The following ESRRG variants were observed in gnomAD, a reference collection of about 807,000 sequenced individuals.
ESRRG encodes estrogen related receptor gamma.
Under a neutral mutation model 44.0 loss-of-function variants are expected in ESRRG, and 13 were observed. That is an observed-to-expected ratio of 0.30 (90% CI 0.19 to 0.47). ESRRG has a LOEUF of 0.47. ESRRG is among the 20% of genes least tolerant of loss of function. The pLI, the probability that ESRRG is intolerant of heterozygous loss-of-function variation, is 1.00. For synonymous variants in ESRRG, 215 were observed against 214.6 expected (o/e 1.00, Z -0.02); for missense variants, 395 against 580.6 (o/e 0.68, Z 3.29).
At chr1:216,648,717 T>A (rs1231890861) in intron 3 of ESRRG, among the ~76,000 whole-genome samples, 1 of 152,174 alleles carries the variant, frequency 6.6e-6, no homozygotes, top group Non-Finnish European at 1.5e-5. Flanking sequence ...CTCCATTAAT[T>A]CAGTTTTTCA....
chr1:216,759,094 C>T (rs1258196091), intron 2 of ESRRG, among the ~76,000 whole-genome samples: 1 of 152,088 alleles, frequency 6.6e-6, no homozygotes, highest in Non-Finnish European at 1.5e-5. Context: ...CTGGCCATCA[C>T]ACCAATTTGA....
At chr1:217,064,367 A>G (rs1003211600) in intron 1 of ESRRG, among the ~76,000 whole-genome samples, 2 of 152,150 alleles carry the variant, frequency 1.3e-5, no homozygotes, top group Non-Finnish European at 2.9e-5. Context: ...AAATATACAC[A>G]CACATATATA....
At chr1:217,034,992 T>C (rs1046662191) in intron 1 of ESRRG, among the ~76,000 whole-genome samples, 12 of 152,306 alleles carry the variant, frequency 7.9e-5, no homozygotes, top group Non-Finnish European at 2.9e-5. Context: ...AAAAGACTTC[T>C]AATTAAATGT....
At chr1:217,034,683 C>A (rs994300498) in intron 1 of ESRRG, among the ~76,000 whole-genome samples, 2 of 152,082 alleles carry the variant, frequency 1.3e-5, no homozygotes, top group African/African-American at 4.8e-5. Flanking sequence ...AGGAGCAAAC[C>A]CAAAGCATGG....
intron 2 of ESRRG, among the ~76,000 whole-genome samples, chr1:216,786,046 C>T (rs1362517132): frequency 1.3e-5 from 2 of 152,054 alleles, no homozygotes; most frequent in Admixed American, 1.3e-4. Flanking sequence ...ATCCGCTGCT[C>T]CCTAAAGGTC....
At chr1:216,547,341 G>T (rs1227970516) in intron 5 of ESRRG, among the ~76,000 whole-genome samples, 1 of 151,962 alleles carries the variant, frequency 6.6e-6, no homozygotes, top group Non-Finnish European at 1.5e-5. Flanking sequence ...CCTTCCTCAT[G>T]CAGTTTTTGA....
intron 3 of ESRRG, among the ~76,000 whole-genome samples, chr1:216,601,779 G>A (rs1326351697): frequency 1.3e-5 from 2 of 152,142 alleles, no homozygotes; most frequent in African/African-American, 4.8e-5. Flanking sequence ...CTTGCATCAA[G>A]TTCAAAAAAG....
At chr1:216,789,754 A>G (rs576080224) in intron 2 of ESRRG, among the ~76,000 whole-genome samples, 2 of 152,264 alleles carry the variant, frequency 1.3e-5, no homozygotes, top group Admixed American at 1.3e-4. Flanking sequence ...ATTCTTCACA[A>G]TCTCACATTT....
At position 216,626,491 on chromosome 1, in the gene ESRRG, G is replaced by A. The variant is rs528036382; in HGVS notation, c.589+24482C>T. 1.8e-4 allele frequency among the ~76,000 whole-genome samples: 28 copies of A among 152,060 alleles called. No homozygotes were observed. In the East Asian group the frequency reaches 3.5e-3, roughly 19 times the overall value. ...TACTGGATACTGTGGCTCCACTATC[G>A]CACTTCCAACTCAGTACTTCAAAAG... On this transcript the variant is annotated intron_variant, in intron 3 of 6. Coordinates refer to ENST00000408911, the MANE Select transcript of ESRRG (RefSeq NM_001438.4).
chr1:216,703,175 T>A (rs2151890707), intron 1 of ESRRG, among the ~76,000 whole-genome samples: 1 of 152,312 alleles, frequency 6.6e-6, no homozygotes, highest in Non-Finnish European at 1.5e-5. Context: ...CAACTACTGT[T>A]CTTGCAGTTA....
At chr1:216,568,391 C>A (rs1407998988) in intron 3 of ESRRG, among the ~76,000 whole-genome samples, 1 of 152,168 alleles carries the variant, frequency 6.6e-6, no homozygotes, top group Non-Finnish European at 1.5e-5. Context: ...TACAAAGAAG[C>A]CGCTATTTGG....
At chr1:216,893,137 C>A (rs145541412) in intron 2 of ESRRG, among the ~76,000 whole-genome samples, 1 of 152,106 alleles carries the variant, frequency 6.6e-6, no homozygotes, top group African/African-American at 2.4e-5. Context: ...AATATGGGAC[C>A]GGCTTCCAAG....
intron 1 of ESRRG, among the ~76,000 whole-genome samples, chr1:217,059,256 G>T (rs1230775105): frequency 6.6e-6 from 1 of 150,494 alleles, no homozygotes; most frequent in Non-Finnish European, 1.5e-5. Context: ...AATAACCATG[G>T]TTATTATATA....
chr1:216,739,823 A>T (rs1270082683), intron 2 of ESRRG, among the ~76,000 whole-genome samples: 1 of 152,200 alleles, frequency 6.6e-6, no homozygotes, highest in Non-Finnish European at 1.5e-5. Flanking sequence ...TTCAAAACAG[A>T]CCAAGACACC....
chr1:216,774,623 T>G (rs556851725), intron 2 of ESRRG, among the ~76,000 whole-genome samples: 51 of 152,122 alleles, frequency 3.4e-4, no homozygotes, highest in South Asian at 2.1e-3. Flanking sequence ...ATAAAGACTT[T>G]GAAGTAAACA....
intron 1 of ESRRG, among the ~76,000 whole-genome samples, chr1:217,009,362 C>A (rs1209269535): frequency 6.6e-6 from 1 of 152,128 alleles, no homozygotes; most frequent in Non-Finnish European, 1.5e-5. Context: ...GGATGCCACA[C>A]CTTTAAGGGA....
chr1:216,847,196 C>T (rs2095765092), intron 2 of ESRRG, among the ~76,000 whole-genome samples: 1 of 151,984 alleles, frequency 6.6e-6, no homozygotes, highest in African/African-American at 2.4e-5. Flanking sequence ...GCTACTAGGG[C>T]TCTATATTAT....
intron 1 of ESRRG, among the ~76,000 whole-genome samples, chr1:217,032,643 G>A (rs2082243763): frequency 6.6e-6 from 1 of 152,122 alleles, no homozygotes; most frequent in Non-Finnish European, 1.5e-5. Context: ...AAACCTAATG[G>A]AGATATTTTA....
rs180957730 is a variant in ESRRG, at chr1:216,732,698, G to A, written c.-13-55207C>T. On this transcript the variant is annotated intron_variant, in intron 2 of 7. Coordinates refer to the ESRRG transcript ENST00000359162. ...GTGCACATGTAGTCCCAGCTACTCCGGAGGCTAAGGGAGGAGGATTGCTGG... is the reference window on the plus strand; with the variant it reads ...GTGCACATGTAGTCCCAGCTACTCCAGAGGCTAAGGGAGGAGGATTGCTGG... 1.8e-3 allele frequency among the ~76,000 whole-genome samples: 276 copies of A among 151,954 alleles called. 1 individual carries two copies. Among genetic ancestry groups the A allele is most frequent in the African/African-American group, 6.4e-3 (265 of 41,434 alleles).
Sources: allele counts gnomAD v4.1 joint callset (sites outside exome capture counted in the v4.1 genomes callset), GRCh38; gene constraint gnomAD v4.1.1; transcripts MANE v1.5; gene names NCBI Gene and HGNC (gene_info 2026-07-23, HGNC 2026-07-21).